MMP26: variants seen among roughly 807,000 people sequenced by gnomAD.
The protein encoded by MMP26 is matrix metallopeptidase 26, also known as matrix metalloproteinase-26.
A neutral mutation model predicts 31.0 loss-of-function variants in MMP26; 33 were observed. That is an observed-to-expected ratio of 1.06 (90% CI 0.81 to 1.42). The LOEUF (loss-of-function observed/expected upper bound fraction) is 1.42, where lower values mean the gene tolerates loss of function less well. MMP26 is among the 40% of genes most tolerant of loss of function. MMP26 has a pLI of 0.00. For synonymous variants in MMP26, 122 were observed against 114.9 expected, an observed-to-expected ratio of 1.06 and a Z score of -0.40; for missense variants, 347 against 316.1, an observed-to-expected ratio of 1.10 and a Z score of -0.74.
intron 1 of MMP26, among the ~76,000 whole-genome samples, chr11:4,740,472 A>T (rs1848297900): frequency 6.6e-6 from 1 of 152,070 alleles, no homozygotes; most frequent in African/African-American, 2.4e-5. Flanking sequence ...TCACAAGGTC[A>T]GGAGTTTGAG....
intron 2 of MMP26, among the ~76,000 whole-genome samples, chr11:4,774,063 A>C (rs1011843985): frequency 6.6e-6 from 1 of 152,222 alleles, no homozygotes; most frequent in African/African-American, 2.4e-5. Context: ...GGTTAACTCC[A>C]TGTCCTTACT....
chr11:4,748,354 C>A (rs190896754), intron 1 of MMP26, among the ~76,000 whole-genome samples: 2 of 152,064 alleles, frequency 1.3e-5, no homozygotes, highest in East Asian at 3.9e-4. Context: ...CAGCCAAATT[C>A]TACCAGACAC....
chr11:4,989,785 G>A lies in MMP26; in HGVS notation c.237G>A (p.Gln79=). Residue 79 remains glutamine (Q), a synonymous_variant, in exon 4 of 8, where the codon CAG becomes CAA. Coordinates refer to ENST00000380390, the MANE Select transcript of MMP26 (RefSeq NM_021801.5). ...LDMQMHALLH[Q]PHCGVPDGSD... is the part of the protein sequence containing the mutation. The stretch of plus-strand genomic sequence containing the variant: ...TGCAGATGCATGCTCTGCTACACCA[G>A]CCCCACTGTGGGGTGCCTGATGGGT... 6.2e-7 allele frequency: 1 copy of A among 1,613,820 alleles called. No homozygotes were observed. The highest frequency in any genetic ancestry group is 8.5e-7 in the Non-Finnish European group (1 of 1,180,028).
At chr11:4,938,338 T>G (rs1049542107) in intron 2 of MMP26, 2 of 151,924 alleles carry the variant, frequency 1.3e-5, no homozygotes, top group Non-Finnish European at 2.9e-5. Flanking sequence ...CTCAGTGCAG[T>G]TGGAAATTTC....
At chr11:4,764,697 C>A (rs145098599) in intron 1 of MMP26, among the ~76,000 whole-genome samples, 1 of 152,126 alleles carries the variant, frequency 6.6e-6, no homozygotes, top group African/African-American at 2.4e-5. Context: ...CACGGTGAAA[C>A]CCCGTCTCTA....
chr11:4,795,670 G>A (rs528774438), intron 2 of MMP26, among the ~76,000 whole-genome samples: 2 of 152,290 alleles, frequency 1.3e-5, no homozygotes, highest in South Asian at 4.1e-4. Flanking sequence ...AAGAACACTT[G>A]TCCTTTGTTT....
At position 4,873,587 on chromosome 11, in the gene MMP26, G is replaced by C. The variant is rs377503390; in HGVS notation, c.-145+106246G>C. 3.7e-4 allele frequency among the ~76,000 whole-genome samples: 56 copies of C among 151,952 alleles called. 1 individual carries two copies. The East Asian group carries it at 7.4e-3, about 20-fold the overall frequency. ...TATATAAATAATATATATGAAAGTAGGTGCATAACTTTAGAATTACATAAA... is the reference window on the plus strand; with the variant it reads ...TATATAAATAATATATATGAAAGTACGTGCATAACTTTAGAATTACATAAA... On this transcript the variant is annotated intron_variant, in intron 2 of 7. Transcript: ENST00000380390.
At chr11:4,749,150 C>T (rs1848416952) in intron 1 of MMP26, among the ~76,000 whole-genome samples, 1 of 152,078 alleles carries the variant, frequency 6.6e-6, no homozygotes, top group African/African-American at 2.4e-5. Context: ...ATAACAATAG[C>T]TATCTAGCTG....
At chr11:4,847,574 C>T (rs1849890542) in intron 2 of MMP26, 1 of 152,196 alleles carries the variant, frequency 6.6e-6, no homozygotes, top group Non-Finnish European at 1.5e-5. Flanking sequence ...TATTTATAAT[C>T]TCAAACATTT....
intron 2 of MMP26, among the ~76,000 whole-genome samples, chr11:4,771,086 A>C (rs187546336): frequency 6.6e-6 from 1 of 152,292 alleles, no homozygotes; most frequent in African/African-American, 2.4e-5. Context: ...GGGGAGAAGT[A>C]GGCCATGTCT....
chr11:4,968,570 A>T (rs1002585620), intron 2 of MMP26, among the ~76,000 whole-genome samples: 1 of 151,960 alleles, frequency 6.6e-6, no homozygotes, highest in African/African-American at 2.4e-5. Flanking sequence ...AGTCTTTATC[A>T]TAGCATAAAT....
At chr11:4,831,432 G>A (rs1323377423) in intron 2 of MMP26, among the ~76,000 whole-genome samples, 1 of 152,148 alleles carries the variant, frequency 6.6e-6, no homozygotes, top group Non-Finnish European at 1.5e-5. Context: ...ATCTTTTTCT[G>A]TGAATATCCA....
chr11:4,861,949 G>C (rs61880575), intron 2 of MMP26, among the ~76,000 whole-genome samples: 47,029 of 151,932 alleles, frequency 0.31, 7,854 homozygotes, highest in South Asian at 0.39. Flanking sequence ...ACCTACCTCT[G>C]CAGCACCAAC....
intron 1 of MMP26, among the ~76,000 whole-genome samples, chr11:4,740,146 A>G (rs117732361): frequency 0.065 from 9,873 of 151,934 alleles, 392 homozygotes; most frequent in Non-Finnish European, 0.095. Context: ...TCCTGACATC[A>G]TTCCAAAATT....
chr11:4,760,655 T>C (rs768828250), intron 1 of MMP26, among the ~76,000 whole-genome samples: 24 of 152,342 alleles, frequency 1.6e-4, no homozygotes, highest in Admixed American at 7.2e-4. Flanking sequence ...GAATGACTTA[T>C]TGAAGTTTTC....
chr11:4,869,839 C>G (rs1850287136), intron 2 of MMP26, among the ~76,000 whole-genome samples: 1 of 152,080 alleles, frequency 6.6e-6, no homozygotes, highest in African/African-American at 2.4e-5. Flanking sequence ...CAATGATAGA[C>G]TAGATTAAGA....
chr11:4,768,889 C>T, intron 2 of MMP26: 2 of 691,148 alleles, frequency 2.9e-6, no homozygotes, highest in African/African-American at 1.8e-5. Context: ...TTTTAAAAAC[C>T]CACATGCAAT....
chr11:4,952,524 C>T lies in MMP26; in HGVS notation c.-144-35544C>T, dbSNP rs187829647. Among the ~76,000 whole-genome samples the T allele has an allele frequency of 2.4e-3, 305 of 125,198 alleles. 70 individuals are homozygous for T. The highest frequency in any genetic ancestry group is 7.4e-3 in the African/African-American group (274 of 36,964). The allele number at this position is 125,198 out of a possible 152,430, so 82.1% of individuals were successfully genotyped here. On this transcript the variant is annotated intron_variant, in intron 2 of 7. Coordinates refer to ENST00000380390, the MANE Select transcript of MMP26 (RefSeq NM_021801.5). ...CCTTGAACACAGAAGCAGTTCTTGC[C>T]CTGATCTGATAATAGGATTTCCTAT...
chr11:4,734,180 T>C (rs1259041390), intron 1 of MMP26, among the ~76,000 whole-genome samples: 3 of 152,322 alleles, frequency 2.0e-5, no homozygotes, highest in Middle Eastern at 3.4e-3. Context: ...CTTCATAAAA[T>C]GAGTTGGAAT....
Sources: allele counts gnomAD v4.1 joint callset (sites outside exome capture counted in the v4.1 genomes callset), GRCh38; gene constraint gnomAD v4.1.1; transcripts MANE v1.5; gene names NCBI Gene and HGNC (gene_info 2026-07-23, HGNC 2026-07-21).